ATP8A2: variants seen among roughly 807,000 people sequenced by gnomAD.
The protein encoded by ATP8A2 is phospholipid-transporting ATPase IB.
A neutral mutation model predicts 165.6 loss-of-function variants in ATP8A2; 100 were observed. The ratio of observed to expected loss-of-function variants is 0.60; its 90% confidence interval spans 0.51 to 0.71. The LOEUF (loss-of-function observed/expected upper bound fraction) is 0.71, where lower values mean the gene tolerates loss of function less well. Among genes scored for constraint, ATP8A2 ranks in the 30% least tolerant of loss-of-function variants. The probability of loss-of-function intolerance (pLI) is 0.00; values close to 1 mark genes in which losing one functional copy is unlikely to be tolerated. For synonymous variants in ATP8A2, 543 were observed against 548.8 expected, an observed-to-expected ratio of 0.99 and a Z score of 0.15; for missense variants, 1,227 against 1,479.5, an observed-to-expected ratio of 0.83 and a Z score of 2.80.
At chr13:25,884,732 C>A (rs75748161) in intron 33 of ATP8A2, among the ~76,000 whole-genome samples, 61 of 152,316 alleles carry the variant, frequency 4.0e-4, no homozygotes, top group Admixed American at 5.2e-4. Context: ...AAGTAAAATT[C>A]GTGAGAATGG....
intron 25 of ATP8A2, among the ~76,000 whole-genome samples, 166 bp from the exon 26 acceptor site, chr13:25,768,880 C>T (rs1158519790): frequency 2.6e-5 from 4 of 152,198 alleles, no homozygotes; most frequent in Non-Finnish European, 5.9e-5. Flanking sequence ...ACTTGAAAGC[C>T]ACAAGCTACT....
chr13:25,615,112 C>T (rs2040788408), intron 24 of ATP8A2, among the ~76,000 whole-genome samples: 1 of 152,072 alleles, frequency 6.6e-6, no homozygotes, highest in Admixed American at 6.5e-5. Context: ...GAGATTATGT[C>T]CTTTGTCTTC....
At chr13:25,523,305 T>C (rs2037731578) in intron 2 of ATP8A2, among the ~76,000 whole-genome samples, 1 of 146,892 alleles carries the variant, frequency 6.8e-6, no homozygotes, top group Non-Finnish European at 1.5e-5. Context: ...AGAGTTTCAC[T>C]CTCATTGCCC....
At chr13:25,586,408 G>A (rs2039923184) in intron 23 of ATP8A2, among the ~76,000 whole-genome samples, 1 of 152,158 alleles carries the variant, frequency 6.6e-6, no homozygotes, top group Non-Finnish European at 1.5e-5. Flanking sequence ...CTTCTGTGTG[G>A]CGAGGGTTCC....
chr13:25,976,305 A>G (rs963535705), intron 35 of ATP8A2, among the ~76,000 whole-genome samples: 2 of 152,092 alleles, frequency 1.3e-5, no homozygotes, highest in African/African-American at 4.8e-5. Context: ...ACTGATCCCC[A>G]CATGCAGCAA....
chr13:25,919,855 A>G (rs1307287853), intron 33 of ATP8A2, among the ~76,000 whole-genome samples: 1 of 152,082 alleles, frequency 6.6e-6, no homozygotes, highest in Non-Finnish European at 1.5e-5. Flanking sequence ...AACCTCGATC[A>G]TAGCTCCCAT....
intron 33 of ATP8A2, among the ~76,000 whole-genome samples, chr13:25,895,399 G>T (rs1432879265): frequency 6.6e-6 from 1 of 152,242 alleles, no homozygotes; most frequent in Non-Finnish European, 1.5e-5. Context: ...GATCATGGTG[G>T]ATAAGCTTTT....
intron 1 of ATP8A2, among the ~76,000 whole-genome samples, chr13:25,432,977 C>A (rs952686327): frequency 2.0e-5 from 3 of 152,164 alleles, no homozygotes; most frequent in Non-Finnish European, 4.4e-5. Context: ...GAGTAGTTAG[C>A]TTCAGTGAGG....
intron 33 of ATP8A2, among the ~76,000 whole-genome samples, chr13:25,864,402 C>G (rs996744569): frequency 1.3e-5 from 2 of 152,290 alleles, no homozygotes; most frequent in Middle Eastern, 3.4e-3. Flanking sequence ...TCACTCCCAT[C>G]GAGATACCGA....
chr13:25,625,830 C>T (rs1042268308), intron 24 of ATP8A2, among the ~76,000 whole-genome samples: 3 of 152,078 alleles, frequency 2.0e-5, no homozygotes, highest in East Asian at 3.9e-4. Context: ...CTCACAACAG[C>T]CTATGATGTG....
At chr13:25,484,753 G>A (rs534248286) in intron 2 of ATP8A2, among the ~76,000 whole-genome samples, 5 of 152,272 alleles carry the variant, frequency 3.3e-5, no homozygotes, top group African/African-American at 1.2e-4. Context: ...CTGACCTCAA[G>A]TGATCCGCCT....
rs201400469 is a variant in ATP8A2 at position 25,579,954 on chromosome 13, G to A, written c.2007+7G>A. 2.1e-4 allele frequency: 344 copies of A among 1,613,548 alleles called. 1 individual carries two copies. In the East Asian group the frequency reaches 5.1e-3, roughly 24 times the overall value. On this transcript the variant is annotated splice_region_variant and intron_variant, in intron 22 of 36. Coordinates refer to ENST00000381655, the MANE Select transcript of ATP8A2 (RefSeq NM_016529.6). ...TTACGAGATCATTGAGAAGGTAACC[G>A]CACACAATACAGTCTTTTCAGCTCC...
intron 25 of ATP8A2, among the ~76,000 whole-genome samples, chr13:25,719,431 G>GTGGGTGGATGGGTGGATGGGTGGA (rs546406468): frequency 6.6e-6 from 1 of 151,734 alleles, no homozygotes; most frequent in Non-Finnish European, 1.5e-5. Flanking sequence ...GAAAGGTTGG[G>GTGGGTGGATGGGTGGATGGGTGGA]TGGGTGGATG....
intron 1 of ATP8A2, among the ~76,000 whole-genome samples, chr13:25,374,394 G>A (rs972955477): frequency 1.4e-4 from 21 of 152,180 alleles, no homozygotes; most frequent in African/African-American, 4.8e-4. Context: ...CAGCAAGTCC[G>A]GAAAACTCTT....
intron 25 of ATP8A2, chr13:25,705,184 G>T: frequency 2.3e-6 from 1 of 437,348 alleles, no homozygotes; most frequent in Non-Finnish European, 4.6e-6. Flanking sequence ...TGTCCAAATG[G>T]AGATAAATTC....
intron 29 of ATP8A2, among the ~76,000 whole-genome samples, chr13:25,837,575 G>A (rs954397322): frequency 2.0e-5 from 3 of 151,870 alleles, no homozygotes; most frequent in Non-Finnish European, 4.4e-5. Context: ...GCTTCTCCCC[G>A]TCAGCCCCTG....
chr13:25,964,386 G>A (rs1342356524), intron 34 of ATP8A2, among the ~76,000 whole-genome samples: 1 of 152,100 alleles, frequency 6.6e-6, no homozygotes, highest in African/African-American at 2.4e-5. Flanking sequence ...TTGATCGTGA[G>A]GCCCATATTA....
chr13:25,446,096 G>T (rs1282769416), intron 1 of ATP8A2, among the ~76,000 whole-genome samples: 1 of 152,176 alleles, frequency 6.6e-6, no homozygotes, highest in African/African-American at 2.4e-5. Context: ...CGCTGTAAGT[G>T]CTCTGAATGT....
chr13:25,779,892 C>G (rs191212522), intron 27 of ATP8A2, among the ~76,000 whole-genome samples: 2 of 152,266 alleles, frequency 1.3e-5, no homozygotes, highest in South Asian at 2.1e-4. Flanking sequence ...TGTGGTATCT[C>G]CTAAGGAGAG....
Sources: gnomAD v4.1 joint callset for allele counts (sites outside exome capture counted in the v4.1 genomes callset) on GRCh38, gnomAD v4.1.1 for gene constraint, MANE v1.5 for transcripts, NCBI Gene and HGNC (gene_info 2026-07-23, HGNC 2026-07-21) for gene names.